The following DIP2B variants were observed in gnomAD, a reference collection of about 807,000 sequenced individuals.
DIP2B encodes disco-interacting protein 2 homolog B.
DIP2B carries 76 observed loss-of-function variants against 198.0 expected under a neutral mutation model. That is an observed-to-expected ratio of 0.38 (90% confidence interval 0.32 to 0.46). The LOEUF is 0.46. Ranked by LOEUF, DIP2B falls within the 20% of genes least tolerant of loss-of-function variation. DIP2B has a pLI of 0.99. For synonymous variants in DIP2B, 701 were observed against 739.1 expected (o/e 0.95, Z 0.84); for missense variants, 1,559 against 1,978.4 (o/e 0.79, Z 4.02).
At chr12:50,511,951 A>AC (rs1474218505) in intron 1 of DIP2B, among the ~76,000 whole-genome samples, 1 of 148,766 alleles carries the variant, frequency 6.7e-6, no homozygotes, top group Non-Finnish European at 1.5e-5. Context: ...CGTCTCAAAA[A>AC]AAAAAAAAAA....
At chr12:50,593,549 T>C (rs1210052886) in intron 1 of DIP2B, among the ~76,000 whole-genome samples, 1 of 150,856 alleles carries the variant, frequency 6.6e-6, no homozygotes, top group Non-Finnish European at 1.5e-5. Flanking sequence ...ATTAAGGATA[T>C]GTCCCAACCT....
In DIP2B at chr12:50,630,654, C is replaced by A. The variant is rs184241364; in HGVS notation, c.172+4607C>A. ...GCTTTGATGTTGATCACCACGAATT[C>A]TTTCTTTTCTTTTTTTTTTTTTTTT... On this transcript the variant is annotated intron_variant, in intron 2 of 37. Coordinates refer to ENST00000301180, the MANE Select transcript of DIP2B (RefSeq NM_173602.3). 2.8e-4 allele frequency among the ~76,000 whole-genome samples: 26 copies of A among 93,618 alleles called. No individual in the cohort carries two copies. In the East Asian group the frequency reaches 9.5e-3, roughly 34 times the overall value. The allele number at this position is 93,618 out of a possible 152,430, so 61.4% of individuals were successfully genotyped here. A position where few individuals can be genotyped will look rare whatever the true frequency, so the allele number is the denominator to read the frequency against.
chr12:50,590,218 C>T (rs1344678779), intron 1 of DIP2B, among the ~76,000 whole-genome samples: 1 of 151,798 alleles, frequency 6.6e-6, no homozygotes, highest in Admixed American at 6.6e-5. Context: ...AGGCTGATCT[C>T]GAACTCCTGG....
chr12:50,673,970 GT>G lies in DIP2B; in HGVS notation c.641-498del, dbSNP rs1034635750. Among the ~76,000 whole-genome samples, 3 of 152,068 alleles carry G rather than the reference GT, an allele frequency of 2.0e-5. No individual in the cohort carries two copies. The East Asian group carries it at 5.8e-4, about 29-fold the overall frequency. ...AAGTTAAAAGTGGACTTTATCTAGT[GT>G]TTTTTCATCTGGAAACTTGTGCAGC... On this transcript the variant is annotated intron_variant, in intron 5 of 37. Coordinates refer to ENST00000301180, the MANE Select transcript of DIP2B (RefSeq NM_173602.3).
intron 3 of DIP2B, among the ~76,000 whole-genome samples, chr12:50,651,200 G>T (rs1290597583): frequency 3.9e-5 from 6 of 152,066 alleles, no homozygotes; most frequent in Admixed American, 3.3e-4. Flanking sequence ...TTGTTACTGG[G>T]TTATAGGAGG....
chr12:50,612,955 A>C (rs2139455530), intron 1 of DIP2B, among the ~76,000 whole-genome samples: 1 of 152,350 alleles, frequency 6.6e-6, no homozygotes, highest in African/African-American at 2.4e-5. Flanking sequence ...AAACTGTGGA[A>C]CATAACTAAA....
chr12:50,626,391 A>C (rs1205349737), intron 2 of DIP2B, among the ~76,000 whole-genome samples: 1 of 152,216 alleles, frequency 6.6e-6, no homozygotes, highest in Non-Finnish European at 1.5e-5. Flanking sequence ...GAAGAAGAGC[A>C]AGAGGGAGGA....
intron 1 of DIP2B, among the ~76,000 whole-genome samples, chr12:50,541,269 G>C (rs1335009170): frequency 6.6e-6 from 1 of 152,014 alleles, no homozygotes; most frequent in African/African-American, 2.4e-5. Flanking sequence ...TTTCTGTGAA[G>C]TTTGTAACTT....
intron 1 of DIP2B, among the ~76,000 whole-genome samples, chr12:50,529,714 C>A (rs957147565): frequency 1.3e-5 from 2 of 151,792 alleles, no homozygotes; most frequent in Non-Finnish European, 2.9e-5. Flanking sequence ...CAAAAAGTAG[C>A]CGGGTGTGGT....
chr12:50,687,806 G>A (rs918204622), intron 12 of DIP2B, among the ~76,000 whole-genome samples: 2 of 151,352 alleles, frequency 1.3e-5, no homozygotes, highest in African/African-American at 2.4e-5. Context: ...CCTAGATGAC[G>A]AGTTGATAGG....
chr12:50,552,181 C>T (rs1958432292), intron 1 of DIP2B, among the ~76,000 whole-genome samples: 1 of 152,038 alleles, frequency 6.6e-6, no homozygotes, highest in African/African-American at 2.4e-5. Context: ...TTCATATGCT[C>T]ATTGGCCATC....
chr12:50,522,001 T>C (rs1958124575), intron 1 of DIP2B, among the ~76,000 whole-genome samples: 1 of 151,412 alleles, frequency 6.6e-6, no homozygotes, highest in Non-Finnish European at 1.5e-5. Context: ...TTATTGTATA[T>C]TTTATTATTA....
intron 1 of DIP2B, among the ~76,000 whole-genome samples, chr12:50,601,197 C>T (rs537683445): frequency 1.6e-4 from 24 of 152,264 alleles, no homozygotes; most frequent in African/African-American, 5.8e-4. Flanking sequence ...GCCTGACTTT[C>T]GTAGCAGGCC....
rs79728387 is a variant in DIP2B at position 50,695,612 on chromosome 12, G to C, written c.1814-236G>C. ...TTGGTATTCACAGTTTCCTTGGCTG[G>C]GACACTGTGACCTGCCTAGAGGGTC... On this transcript the variant is annotated intron_variant, in intron 15 of 37. Coordinates refer to ENST00000301180, the MANE Select transcript of DIP2B (RefSeq NM_173602.3). Among the ~76,000 whole-genome samples the C allele has an allele frequency of 6.6e-3, 1,005 of 152,124 alleles. 11 individuals are homozygous for C. Among genetic ancestry groups the C allele is most frequent in the African/African-American group, 0.022 (925 of 41,486 alleles).
At chr12:50,545,697 G>A (rs1212143279) in intron 1 of DIP2B, among the ~76,000 whole-genome samples, 1 of 141,670 alleles carries the variant, frequency 7.1e-6, no homozygotes, top group Non-Finnish European at 1.5e-5. Context: ...TTTTCATAAC[G>A]CTATCTGGGC....
chr12:50,561,700 C>T (rs762626963), intron 1 of DIP2B, among the ~76,000 whole-genome samples: 10 of 152,292 alleles, frequency 6.6e-5, no homozygotes, highest in Admixed American at 3.3e-4. Context: ...CTCTGCCTTC[C>T]GGGTTCAAGT....
intron 1 of DIP2B, among the ~76,000 whole-genome samples, chr12:50,526,301 A>T (rs539696159): frequency 6.6e-6 from 1 of 152,240 alleles, no homozygotes; most frequent in South Asian, 2.1e-4. Context: ...TCAGGGGCCT[A>T]TGTGTTTCCT....
chr12:50,679,794 A>C (rs537987093), intron 8 of DIP2B: 1 of 152,340 alleles, frequency 6.6e-6, no homozygotes, highest in African/African-American at 2.4e-5. Flanking sequence ...CCATATGTTC[A>C]TACAGATAAT....
At chr12:50,680,330 ATT>A (rs1939019871) in intron 8 of DIP2B, 1 of 162,582 alleles carries the variant, frequency 6.2e-6, no homozygotes, top group Non-Finnish European at 1.3e-5. Flanking sequence ...AATTAAAAAT[ATT>A]GTTTTCCTCC....
Sources: allele counts gnomAD v4.1 joint callset (sites outside exome capture counted in the v4.1 genomes callset), GRCh38; gene constraint gnomAD v4.1.1; transcripts MANE v1.5; gene names NCBI Gene and HGNC (gene_info 2026-07-23, HGNC 2026-07-21).